NGEF: variants seen among roughly 807,000 people sequenced by gnomAD.
NGEF encodes the protein neuronal guanine nucleotide exchange factor.
A neutral mutation model predicts 80.9 loss-of-function variants in NGEF; 31 were observed. The observed-to-expected ratio is 0.38, with a 90% confidence interval of 0.29 to 0.52. The LOEUF is 0.52. Ranked by LOEUF, NGEF falls within the 20% of genes least tolerant of loss-of-function variation. The pLI is 0.84. For synonymous variants in NGEF, 371 were observed against 370.2 expected (o/e 1.00, Z -0.03); for missense variants, 709 against 926.2 (o/e 0.77, Z 3.04).
At chr2:232,888,404 A>G (rs1321394613) in intron 8 of NGEF, among the ~76,000 whole-genome samples, 1 of 152,060 alleles carries the variant, frequency 6.6e-6, no homozygotes, top group Middle Eastern at 3.2e-3. Flanking sequence ...GCACACGTGC[A>G]CACATGCATG....
At chr2:232,904,959 C>T (rs2106256236) in intron 5 of NGEF, among the ~76,000 whole-genome samples, 1 of 152,258 alleles carries the variant, frequency 6.6e-6, no homozygotes, top group East Asian at 1.9e-4. Flanking sequence ...AAAAAACAAA[C>T]AAAAACAACA....
intron 8 of NGEF, among the ~76,000 whole-genome samples, chr2:232,888,630 G>A (rs2675956): frequency 0.41 from 62,758 of 152,058 alleles, 13,284 homozygotes; most frequent in East Asian, 0.55. Flanking sequence ...AAGAGAGCCC[G>A]CAGGTGTGGC....
chr2:232,917,708 G>C (rs1442319292), intron 5 of NGEF, among the ~76,000 whole-genome samples: 2 of 151,970 alleles, frequency 1.3e-5, no homozygotes, highest in Non-Finnish European at 2.9e-5. Flanking sequence ...AATTTTTCTT[G>C]CCCTGAATTC....
intron 1 of NGEF, among the ~76,000 whole-genome samples, chr2:233,005,652 C>A (rs560421906): frequency 6.6e-6 from 1 of 152,268 alleles, no homozygotes; most frequent in African/African-American, 2.4e-5. Context: ...AGACCACAAG[C>A]AAAGTAGTTC....
In NGEF at chr2:232,935,475, G is replaced by A. The variant is rs146824823; in HGVS notation, c.384-8289C>T. Among the ~76,000 whole-genome samples, 559 of 152,110 alleles carry A rather than the reference G, an allele frequency of 3.7e-3. 4 individuals are homozygous for A. Among genetic ancestry groups the A allele is most frequent in the African/African-American group, 0.013 (521 of 41,486 alleles). On this transcript the variant is annotated intron_variant, in intron 3 of 14. Coordinates refer to ENST00000264051, the MANE Select transcript of NGEF (RefSeq NM_019850.3). ...TCTACTAAAAATACAATAATTAGCCGGGTGTGGTGGCACATGCCTGTAATT... is the reference window on the plus strand; with the variant it reads ...TCTACTAAAAATACAATAATTAGCCAGGTGTGGTGGCACATGCCTGTAATT...
intron 1 of NGEF, among the ~76,000 whole-genome samples, chr2:232,983,841 C>T (rs960846256): frequency 6.6e-6 from 1 of 152,288 alleles, no homozygotes; most frequent in South Asian, 2.1e-4. Flanking sequence ...TGCTGAAACC[C>T]GGTGAGATTA....
At chr2:232,997,223 A>T (rs1488859047) in intron 1 of NGEF, among the ~76,000 whole-genome samples, 1 of 152,184 alleles carries the variant, frequency 6.6e-6, no homozygotes, top group Non-Finnish European at 1.5e-5. Context: ...GGGCCCTGGG[A>T]ACCTGCTTTT....
At chr2:232,927,238 C>A in intron 3 of NGEF, 52 bp from the exon 4 acceptor site, 1 of 1,506,002 alleles carries the variant, frequency 6.6e-7, no homozygotes, top group Non-Finnish European at 8.8e-7. Context: ...CAAGGATTCA[C>A]CTCGGCTGGC....
In NGEF at chr2:232,997,682, C is replaced by T. The variant is rs561788916; in HGVS notation, c.-75+15386G>A. Among the ~76,000 whole-genome samples the T allele has an allele frequency of 1.6e-3, 241 of 152,262 alleles. 2 individuals carry two copies. The highest frequency in any genetic ancestry group is 2.8e-3 in the Non-Finnish European group (190 of 68,000). Reference sequence around the variant, plus strand: ...CCTAGGGCTTCAGGCAAGGCTCTGGCGACCTGGCCTCCCCACTGCTTCCAG... The same window carrying T: ...CCTAGGGCTTCAGGCAAGGCTCTGGTGACCTGGCCTCCCCACTGCTTCCAG... On this transcript the variant is annotated intron_variant, in intron 1 of 14. Transcript: ENST00000264051.
At chr2:232,928,998 G>T (rs1219114423) in intron 3 of NGEF, among the ~76,000 whole-genome samples, 1 of 152,218 alleles carries the variant, frequency 6.6e-6, no homozygotes, top group Non-Finnish European at 1.5e-5. Context: ...GTGTGGCGAG[G>T]ATATCTAGCA....
rs1692921984 is a variant in NGEF, at chr2:232,920,593, CAA to C, written c.527-10_527-9del. ...ATTCCTGATACAGGAGCCCTGAAATCAAAGAGTTGTAAAAAAGAAAAGGAAAA... is the reference window on the plus strand; with the variant it reads ...ATTCCTGATACAGGAGCCCTGAAATCAGAGTTGTAAAAAAGAAAAGGAAAA... On this transcript the variant is annotated splice_polypyrimidine_tract_variant and intron_variant, in intron 4 of 14. Transcript: ENST00000264051. 6.6e-7 allele frequency: 1 copy of C among 1,508,840 alleles called. No homozygotes were observed. The highest frequency in any genetic ancestry group is 8.9e-7 in the Non-Finnish European group (1 of 1,128,096). The allele number at this position is 1,508,840 out of a possible 1,614,324, so 93.5% of individuals were successfully genotyped here.
intron 3 of NGEF, among the ~76,000 whole-genome samples, chr2:232,940,239 T>C (rs1693410076): frequency 1.3e-5 from 2 of 152,216 alleles, no homozygotes; most frequent in South Asian, 2.1e-4. Context: ...CCGTACAAAT[T>C]AGCACACAAT....
chr2:232,961,005 T>C (rs1693939806), intron 3 of NGEF, among the ~76,000 whole-genome samples: 1 of 152,124 alleles, frequency 6.6e-6, no homozygotes, highest in Non-Finnish European at 1.5e-5. Context: ...TGATTGTGCT[T>C]TCCTCCTGCC....
chr2:232,885,947 G>A (rs559585381), intron 9 of NGEF, among the ~76,000 whole-genome samples: 44 of 152,342 alleles, frequency 2.9e-4, no homozygotes, highest in African/African-American at 9.6e-4. Context: ...GCCATCAGTG[G>A]ATTCGATTAA....
chr2:232,951,513 A>G (rs925825708), intron 3 of NGEF, among the ~76,000 whole-genome samples: 1 of 152,144 alleles, frequency 6.6e-6, no homozygotes, highest in Non-Finnish European at 1.5e-5. Context: ...ATTATTCTAC[A>G]CTGTGGAGTC....
chr2:232,943,499 ATT>A (rs72110776), intron 3 of NGEF, among the ~76,000 whole-genome samples: 1 of 143,074 alleles, frequency 7.0e-6, no homozygotes. Flanking sequence ...AATGCTCTAC[ATT>A]TTTTTTTTTT....
intron 14 of NGEF, among the ~76,000 whole-genome samples, chr2:232,880,611 A>G (rs142829436): frequency 2.2e-3 from 334 of 152,344 alleles, no homozygotes; most frequent in African/African-American, 7.2e-3. Context: ...ATGTGATTTG[A>G]AAAGGGAAAG....
chr2:232,949,639 G>A lies in NGEF; in HGVS notation c.383+20575C>T, dbSNP rs531604997. 2.0e-4 allele frequency among the ~76,000 whole-genome samples: 30 copies of A among 151,592 alleles called. 1 individual carries two copies. The highest frequency in any genetic ancestry group is 6.5e-4 in the African/African-American group (27 of 41,308). ...ATTACAGGCATGCACCACCATGCCC[G>A]GCTAATTTTGTATTTTTTAAGTAGA... On this transcript the variant is annotated intron_variant, in intron 3 of 14. Coordinates refer to ENST00000264051, the MANE Select transcript of NGEF (RefSeq NM_019850.3).
intron 1 of NGEF, among the ~76,000 whole-genome samples, chr2:232,999,641 C>A (rs1020947275): frequency 1.3e-5 from 2 of 152,212 alleles, no homozygotes; most frequent in African/African-American, 4.8e-5. Context: ...AGTGGCTCAG[C>A]GAGCCTCCGC....
Sources: allele counts gnomAD v4.1 joint callset (sites outside exome capture counted in the v4.1 genomes callset), GRCh38; gene constraint gnomAD v4.1.1; transcripts MANE v1.5; gene names NCBI Gene and HGNC (gene_info 2026-07-23, HGNC 2026-07-21).